IFT81: variants seen among roughly 807,000 people sequenced by gnomAD.
IFT81 encodes the protein intraflagellar transport protein 81 homolog.
In IFT81, 72 loss-of-function variants were observed where a neutral mutation model predicts 102.6. The ratio of observed to expected loss-of-function variants is 0.70; its 90% confidence interval spans 0.58 to 0.85. The LOEUF is 0.85. IFT81 is among the 40% of genes least tolerant of loss of function. The pLI is 0.00. For missense variants in IFT81, 723 were observed against 787.3 expected, an observed-to-expected ratio of 0.92 and a Z score of 0.98; for synonymous variants, 237 against 242.7, an observed-to-expected ratio of 0.98 and a Z score of 0.22.
chr12:110,137,450 A>G (rs1894588032), intron 8 of IFT81, among the ~76,000 whole-genome samples: 1 of 152,076 alleles, frequency 6.6e-6, no homozygotes, highest in Admixed American at 6.6e-5. Flanking sequence ...AGGACTTAGC[A>G]TGGCTGGGCG....
chr12:110,218,252 T>C lies in IFT81; in HGVS notation c.*26T>C, dbSNP rs749382527. 1 of 1,483,994 alleles carries C rather than the reference T, an allele frequency of 6.7e-7. No individual in the cohort carries two copies. Among genetic ancestry groups the C allele is most frequent in the Non-Finnish European group, 9.0e-7 (1 of 1,115,638 alleles). 91.9% of individuals were successfully genotyped at this position (1,483,994 alleles called of 1,614,324 possible). On this transcript the variant is annotated 3_prime_UTR_variant, in exon 19 of 19. Transcript: ENST00000242591. Reference sequence around the variant, plus strand: ...ATTCTTGTGTCATCGTTTGGGGTTTTACTTGATACCACTAGCTATAAGCCT... The same window carrying C: ...ATTCTTGTGTCATCGTTTGGGGTTTCACTTGATACCACTAGCTATAAGCCT...
chr12:110,216,756 C>G, intron 18 of IFT81: 1 of 381,080 alleles, frequency 2.6e-6, no homozygotes, highest in South Asian at 2.0e-5. Context: ...GAACTCCTGA[C>G]TTCAGGTGAT....
intron 11 of IFT81, among the ~76,000 whole-genome samples, chr12:110,175,888 T>C (rs1034264170): frequency 1.3e-5 from 2 of 152,160 alleles, no homozygotes; most frequent in African/African-American, 2.4e-5. Flanking sequence ...GAAATTTGGC[T>C]CCCTTTTTCT....
intron 12 of IFT81, among the ~76,000 whole-genome samples, chr12:110,186,657 GC>G (rs1897544686): frequency 6.6e-6 from 1 of 151,938 alleles, no homozygotes; most frequent in Non-Finnish European, 1.5e-5. Context: ...GGGACCACAG[GC>G]CCGAGCCACC....
At chr12:110,167,163 TA>T (rs1390633753) in intron 11 of IFT81, among the ~76,000 whole-genome samples, 1 of 152,178 alleles carries the variant, frequency 6.6e-6, no homozygotes, top group Non-Finnish European at 1.5e-5. Flanking sequence ...TTTTCTTTAC[TA>T]GGCCTTTTTA....
At chr12:110,148,170 G>A (rs1022438336) in intron 10 of IFT81, among the ~76,000 whole-genome samples, 1 of 152,006 alleles carries the variant, frequency 6.6e-6, no homozygotes, top group Non-Finnish European at 1.5e-5. Context: ...GACAAAACTG[G>A]TTCATTTTTC....
chr12:110,147,125 T>G lies in IFT81; in HGVS notation c.1041+77T>G, dbSNP rs1165346632. 3 of 1,100,158 alleles carry G rather than the reference T, an allele frequency of 2.7e-6. No individual in the cohort carries two copies. In the African/African-American group the frequency reaches 4.7e-5, roughly 17 times the overall value. 68.1% of individuals were successfully genotyped at this position (1,100,158 alleles called of 1,614,324 possible). A position where few individuals can be genotyped will look rare whatever the true frequency, so the allele number is the denominator to read the frequency against. ...ACCACTGGCTGTGTTATCTATAGTC[T>G]TAAAGTGAGAAGGAAGTAGAGAATA... On this transcript the variant is annotated intron_variant, in intron 10 of 18. Coordinates refer to ENST00000242591, the MANE Select transcript of IFT81 (RefSeq NM_014055.4).
chr12:110,188,310 C>A (rs538845101), intron 12 of IFT81, among the ~76,000 whole-genome samples: 1 of 146,850 alleles, frequency 6.8e-6, no homozygotes, highest in African/African-American at 2.5e-5. Context: ...CCAGCCTGAG[C>A]GACAGAGCAA....
In IFT81 at chr12:110,134,965, A is replaced by G. The variant is rs748892370; in HGVS notation, c.537A>G (p.Glu179=). Residue 179 remains glutamate (E), a synonymous_variant, in exon 6 of 19, where the codon GAA becomes GAG. Transcript: ENST00000242591. The part of the protein sequence containing the change: ...AEIRKDISAM[E]EEKDQLIKRV... Reference sequence around the variant, plus strand: ...CTTTTTAGGATATCAGTGCAATGGAAGAAGAAAAGGATCAGCTCATTAAGA... The same window carrying G: ...CTTTTTAGGATATCAGTGCAATGGAGGAAGAAAAGGATCAGCTCATTAAGA... The G allele has an allele frequency of 1.2e-6, 2 of 1,611,404 alleles. No individual in the cohort carries two copies. Among genetic ancestry groups the G allele is most frequent in the Non-Finnish European group, 8.5e-7 (1 of 1,179,150 alleles).
intron 12 of IFT81, among the ~76,000 whole-genome samples, chr12:110,187,373 C>T (rs999589422): frequency 3.3e-5 from 5 of 152,104 alleles, no homozygotes; most frequent in Admixed American, 6.6e-5. Context: ...AAGTGATTCT[C>T]CCACCTCAGC....
intron 18 of IFT81, among the ~76,000 whole-genome samples, chr12:110,212,495 G>A (rs1439254248): frequency 2.7e-5 from 4 of 148,954 alleles, no homozygotes; most frequent in South Asian, 4.2e-4. Context: ...CCAAGGTCAC[G>A]CCACTGCACT....
At position 110,127,342 on chromosome 12, in the gene IFT81, T is replaced by C; in HGVS notation, c.-21-18T>C. 1 of 1,444,658 alleles carries C rather than the reference T, an allele frequency of 6.9e-7. No individual in the cohort carries two copies. The highest frequency in any genetic ancestry group is 9.1e-7 in the Non-Finnish European group (1 of 1,100,128). The allele number at this position is 1,444,658 out of a possible 1,614,324, so 89.5% of individuals were successfully genotyped here. A position where few individuals can be genotyped will look rare whatever the true frequency, so the allele number is the denominator to read the frequency against. ...GTTGCCAGTATTAAGGATTTTTTTT[T>C]CTATTTTTACTCTTTAGTTAAAATT... On this transcript the variant is annotated intron_variant, in intron 1 of 18. Coordinates refer to ENST00000242591, the MANE Select transcript of IFT81 (RefSeq NM_014055.4).
In IFT81 at chr12:110,140,288, G is replaced by A. The variant is rs113965012; in HGVS notation, c.782-3094G>A. 2.0e-3 allele frequency among the ~76,000 whole-genome samples: 307 copies of A among 152,166 alleles called. 3 individuals carry two copies. Among genetic ancestry groups the A allele is most frequent in the African/African-American group, 7.0e-3 (291 of 41,518 alleles). ...CCCCTTTCCTCCCATGCCCTAAAGT[G>A]TATCCTTGATTACTTTTGACATACG... On this transcript the variant is annotated intron_variant, in intron 8 of 18. Coordinates refer to ENST00000242591, the MANE Select transcript of IFT81 (RefSeq NM_014055.4).
chr12:110,135,295 A>G, intron 6 of IFT81, 32 bp from the exon 7 acceptor site: 2 of 1,389,292 alleles, frequency 1.4e-6, no homozygotes. Flanking sequence ...CAAACCTGAC[A>G]GTAACATGTA....
chr12:110,147,152 A>T, intron 10 of IFT81, 104 bp downstream of exon 10: 1 of 829,166 alleles, frequency 1.2e-6, no homozygotes, highest in Non-Finnish European at 1.8e-6. Context: ...TAGAGAATAA[A>T]TGTTGTTCTG....
Position 110,135,866 on chromosome 12 carries a change from G to GA in IFT81, c.696+448dup, listed in dbSNP as rs199705020. ...TAGGCAACAGAGTGAGACTTTGTCT[G>GA]AAAAAAAAAAAAAAAAAAAGATAAA... On this transcript the variant is annotated intron_variant, in intron 7 of 18. Coordinates refer to ENST00000242591, the MANE Select transcript of IFT81 (RefSeq NM_014055.4). Among the ~76,000 whole-genome samples the GA allele has an allele frequency of 7.5e-3, 804 of 107,528 alleles. 7 individuals are homozygous for GA. The highest frequency in any genetic ancestry group is 0.013 in the African/African-American group (385 of 29,918). 70.5% of individuals were successfully genotyped at this position (107,528 alleles called of 152,430 possible).
intron 4 of IFT81, among the ~76,000 whole-genome samples, chr12:110,129,626 A>T (rs951443920): frequency 6.6e-6 from 1 of 152,052 alleles, no homozygotes; most frequent in African/African-American, 2.4e-5. Context: ...AATCAGACAA[A>T]GGGTAGAGAT....
At position 110,180,493 on chromosome 12, in the gene IFT81, AC is replaced by A; in HGVS notation, c.1261del (p.Ala423LeufsTer43). The A allele has an allele frequency of 6.2e-7, 1 of 1,611,786 alleles. No homozygotes were observed. The highest frequency in any genetic ancestry group is 8.5e-7 in the Non-Finnish European group (1 of 1,178,240). ...AAAAGAAGCATCAGATAATAGCTGA[AC>A]TTAAAGCTGAATTCGGTCTTTTGCA... The part of the protein sequence containing the change: ...FKKKHQIIAE[L>X]KAEFGLLQRT... On this transcript the variant is annotated frameshift_variant, in exon 12 of 19. Coordinates refer to ENST00000242591, the MANE Select transcript of IFT81 (RefSeq NM_014055.4). LOFTEE classifies it high-confidence loss of function.
chr12:110,141,605 C>T (rs1281470189), intron 8 of IFT81, among the ~76,000 whole-genome samples: 1 of 152,174 alleles, frequency 6.6e-6, no homozygotes, highest in African/African-American at 2.4e-5. Context: ...CCAGGCCAGA[C>T]GAAGTGGCTC....
Sources: gnomAD v4.1 joint callset for allele counts (sites outside exome capture counted in the v4.1 genomes callset) on GRCh38, gnomAD v4.1.1 for gene constraint, MANE v1.5 for transcripts, NCBI Gene and HGNC (gene_info 2026-07-23, HGNC 2026-07-21) for gene names.